The following DIP2B variants were observed in gnomAD, a reference collection of about 807,000 sequenced individuals.
The protein encoded by DIP2B is DIP2 acetate--CoA ligase B (putative).
In DIP2B, 76 loss-of-function variants were observed where a neutral mutation model predicts 198.0. That is an observed-to-expected ratio of 0.38 (90% CI 0.32 to 0.46). DIP2B has a LOEUF of 0.46. Among genes scored for constraint, DIP2B ranks in the 20% least tolerant of loss-of-function variants. The pLI is 0.99. For missense variants in DIP2B, 1,559 were observed against 1,978.4 expected (o/e 0.79, Z 4.02); for synonymous variants, 701 against 739.1 (o/e 0.95, Z 0.84).
chr12:50,513,053 A>C (rs1483702406), intron 1 of DIP2B, among the ~76,000 whole-genome samples: 1 of 152,154 alleles, frequency 6.6e-6, no homozygotes, highest in Non-Finnish European at 1.5e-5. Flanking sequence ...AGTTGTAAGG[A>C]GGTTTAAAGT....
At chr12:50,505,667 C>G (rs906489930) in intron 1 of DIP2B, among the ~76,000 whole-genome samples, 3 of 152,142 alleles carry the variant, frequency 2.0e-5, no homozygotes, top group Non-Finnish European at 4.4e-5. Flanking sequence ...CCCCCTTCCC[C>G]CTTTCAAAAA....
chr12:50,580,481 G>T (rs974921097), intron 1 of DIP2B, among the ~76,000 whole-genome samples: 10 of 146,238 alleles, frequency 6.8e-5, no homozygotes, highest in African/African-American at 2.5e-4. Context: ...ATATTTTGCA[G>T]AAATTTTATT....
At chr12:50,592,278 A>C (rs982512298) in intron 1 of DIP2B, among the ~76,000 whole-genome samples, 2 of 151,726 alleles carry the variant, frequency 1.3e-5, no homozygotes, top group African/African-American at 4.8e-5. Context: ...GGGCTCAGGC[A>C]ATCCTCTTGC....
At chr12:50,743,770 G>T (rs1940297664) in intron 37 of DIP2B, 2 of 152,140 alleles carry the variant, frequency 1.3e-5, no homozygotes, top group South Asian at 4.1e-4. Flanking sequence ...AGAATTAATG[G>T]AAAGAATACC....
At chr12:50,707,035 T>A (rs1939525809) in intron 21 of DIP2B, among the ~76,000 whole-genome samples, 1 of 152,248 alleles carries the variant, frequency 6.6e-6, no homozygotes, top group Admixed American at 6.5e-5. Flanking sequence ...TGCTACTCTG[T>A]AGGCATTTAC....
chr12:50,543,776 T>A (rs1175091692), intron 1 of DIP2B, among the ~76,000 whole-genome samples: 1 of 151,138 alleles, frequency 6.6e-6, no homozygotes, highest in Non-Finnish European at 1.5e-5. Context: ...ATACAAACAT[T>A]AGCTGGGCAT....
intron 10 of DIP2B, among the ~76,000 whole-genome samples, chr12:50,685,175 A>C (rs1453673359): frequency 6.6e-6 from 1 of 152,246 alleles, no homozygotes. Flanking sequence ...GTTGGGATGT[A>C]GTATCCTTCA....
intron 1 of DIP2B, among the ~76,000 whole-genome samples, chr12:50,512,940 G>A (rs1374261875): frequency 6.6e-6 from 1 of 152,206 alleles, no homozygotes; most frequent in African/African-American, 2.4e-5. Flanking sequence ...CCGGGAGGCG[G>A]AGGTTGCAGT....
At chr12:50,558,282 A>G (rs1041942120) in intron 1 of DIP2B, among the ~76,000 whole-genome samples, 1 of 152,222 alleles carries the variant, frequency 6.6e-6, no homozygotes, top group Non-Finnish European at 1.5e-5. Flanking sequence ...CATTGTTTTG[A>G]TCAGTCTCCT....
intron 10 of DIP2B, 95 bp from the exon 11 acceptor site, chr12:50,685,738 C>A: frequency 7.2e-7 from 1 of 1,380,048 alleles, no homozygotes; most frequent in Non-Finnish European, 9.6e-7. Context: ...TGAATGTTAT[C>A]AAACAAAATG....
chr12:50,593,722 T>C (rs139619598), intron 1 of DIP2B, among the ~76,000 whole-genome samples: 549 of 4,316 alleles, frequency 0.13, 11 homozygotes, highest in Middle Eastern at 0.5. Flanking sequence ...TCTCCTCTCC[T>C]CTCCTCTCCT....
intron 1 of DIP2B, among the ~76,000 whole-genome samples, chr12:50,606,552 CA>C (rs753446455): frequency 8.5e-5 from 13 of 152,248 alleles, no homozygotes; most frequent in Non-Finnish European, 1.9e-4. Context: ...CATGGGTGTG[CA>C]AATTTTTCTC....
At chr12:50,723,656 T>C (rs918332166) in intron 27 of DIP2B, among the ~76,000 whole-genome samples, 51 of 152,132 alleles carry the variant, frequency 3.4e-4, no homozygotes, top group African/African-American at 1.2e-3. Context: ...GAGGCTGAGG[T>C]GGGAGGATCC....
At chr12:50,513,133 CT>C (rs1473897925) in intron 1 of DIP2B, among the ~76,000 whole-genome samples, 1 of 152,190 alleles carries the variant, frequency 6.6e-6, no homozygotes, top group Non-Finnish European at 1.5e-5. Flanking sequence ...TTTATTGCTG[CT>C]GATAGTGAAT....
intron 22 of DIP2B, among the ~76,000 whole-genome samples, chr12:50,713,078 A>C (rs1443459152): frequency 6.6e-6 from 1 of 152,198 alleles, no homozygotes; most frequent in African/African-American, 2.4e-5. Context: ...ATCAAAATAC[A>C]TTGTCTTCAG....
At position 50,678,680 on chromosome 12, in the gene DIP2B, A is replaced by G. The variant is rs761132738; in HGVS notation, c.918A>G (p.Val306=). The change falls in exon 8 of 38, where the codon GTA becomes GTG. Residue 306 remains valine, a splice_region_variant and synonymous_variant. Transcript: ENST00000301180. Reference sequence around the variant, plus strand: ...CTCATTGGGATTTTCCTGGTACAGTACCTCAGCCAGACCCCAACCAGCCCA... The same window carrying G: ...CTCATTGGGATTTTCCTGGTACAGTGCCTCAGCCAGACCCCAACCAGCCCA... ...FVDDSEEIVE[V]PQPDPNQPKP... is the part of the protein sequence containing the mutation. 6.8e-6 allele frequency: 11 copies of G among 1,613,672 alleles called. No homozygotes were observed. In the African/African-American group the frequency reaches 8.0e-5, roughly 12 times the overall value.
At chr12:50,529,691 C>T (rs1331159170) in intron 1 of DIP2B, among the ~76,000 whole-genome samples, 1 of 151,782 alleles carries the variant, frequency 6.6e-6, no homozygotes, top group South Asian at 2.1e-4. Context: ...CAGGGGTACT[C>T]AGAGCTACAA....
intron 1 of DIP2B, among the ~76,000 whole-genome samples, chr12:50,510,403 T>C (rs1328909524): frequency 6.6e-6 from 1 of 152,232 alleles, no homozygotes; most frequent in East Asian, 1.9e-4. Context: ...ATCATTAATA[T>C]GTCACGCTTA....
intron 1 of DIP2B, among the ~76,000 whole-genome samples, chr12:50,530,023 T>C (rs1455402245): frequency 6.6e-6 from 1 of 152,212 alleles, no homozygotes; most frequent in African/African-American, 2.4e-5. Context: ...AATGCATTGT[T>C]CTCTAGTGGC....
Sources: gnomAD v4.1 joint callset for allele counts (sites outside exome capture counted in the v4.1 genomes callset) on GRCh38, gnomAD v4.1.1 for gene constraint, MANE v1.5 for transcripts, NCBI Gene and HGNC (gene_info 2026-07-23, HGNC 2026-07-21) for gene names.